The following CTNNA2 variants were observed in gnomAD, a reference collection of about 807,000 sequenced individuals.
The protein encoded by CTNNA2 is catenin alpha 2.
A neutral mutation model predicts 101.0 loss-of-function variants in CTNNA2; 42 were observed. That is an observed-to-expected ratio of 0.42 (90% CI 0.32 to 0.54). The LOEUF is 0.54. Among genes scored for constraint, CTNNA2 ranks in the 20% least tolerant of loss-of-function variants. The pLI, the probability that CTNNA2 is intolerant of heterozygous loss-of-function variation, is 0.14. For missense variants in CTNNA2, 871 were observed against 1,223.1 expected (o/e 0.71, Z 4.29); for synonymous variants, 450 against 456.4 (o/e 0.99, Z 0.18).
intron 8 of CTNNA2, among the ~76,000 whole-genome samples, chr2:80,401,176 GT>G (rs1678513662): frequency 6.6e-6 from 1 of 152,164 alleles, no homozygotes; most frequent in Non-Finnish European, 1.5e-5. Context: ...CAGTGCTCAT[GT>G]CTTTCTAGTC....
chr2:80,186,410 C>T (rs958558627), intron 7 of CTNNA2, among the ~76,000 whole-genome samples: 4 of 152,174 alleles, frequency 2.6e-5, no homozygotes, highest in Admixed American at 2.0e-4. Flanking sequence ...CGAACTGTAG[C>T]ATGCATGTCT....
chr2:80,502,898 G>A (rs1299187040), intron 9 of CTNNA2, among the ~76,000 whole-genome samples: 2 of 152,202 alleles, frequency 1.3e-5, no homozygotes, highest in Non-Finnish European at 1.5e-5. Flanking sequence ...AGGGCATGGA[G>A]GCTTATGCCT....
intron 2 of CTNNA2, among the ~76,000 whole-genome samples, chr2:79,308,336 G>A (rs1007038503): frequency 6.6e-6 from 1 of 152,114 alleles, no homozygotes; most frequent in Non-Finnish European, 1.5e-5. Context: ...ATGAGCCACA[G>A]CGCCCAGCCC....
intron 7 of CTNNA2, among the ~76,000 whole-genome samples, chr2:79,964,415 A>C (rs1558681208): frequency 6.6e-6 from 1 of 152,182 alleles, no homozygotes; most frequent in East Asian, 1.9e-4. Context: ...GTTTGGAAAA[A>C]AAAAAGCCAA....
chr2:79,266,090 A>G (rs1005352903), intron 2 of CTNNA2, among the ~76,000 whole-genome samples: 16 of 152,302 alleles, frequency 1.1e-4, no homozygotes, highest in African/African-American at 3.6e-4. Context: ...TACCAACTGT[A>G]CCTTCAGCAA....
intron 6 of CTNNA2, among the ~76,000 whole-genome samples, chr2:79,880,806 G>A (rs1313422930): frequency 6.6e-6 from 1 of 151,710 alleles, no homozygotes; most frequent in Non-Finnish European, 1.5e-5. Flanking sequence ...GGTTTTTTGT[G>A]TCTCTGTCTC....
At chr2:79,584,583 G>A (rs1047302385) in intron 1 of CTNNA2, among the ~76,000 whole-genome samples, 2 of 148,210 alleles carry the variant, frequency 1.3e-5, no homozygotes, top group Non-Finnish European at 3.0e-5. Context: ...GGAGTGCAAT[G>A]GCACGATTTC....
chr2:79,581,122 G>A (rs1394388317), intron 1 of CTNNA2, among the ~76,000 whole-genome samples: 1 of 152,154 alleles, frequency 6.6e-6, no homozygotes, highest in African/African-American at 2.4e-5. Flanking sequence ...AAGTCCCTTG[G>A]TAATCTTGTT....
chr2:79,664,705 CTTTTTTTTTTTT>C (rs67782114), intron 2 of CTNNA2, among the ~76,000 whole-genome samples: 15 of 94,986 alleles, frequency 1.6e-4, no homozygotes, highest in African/African-American at 5.7e-4. Context: ...TCACATTCTT[CTTTTTTTTTTTT>C]TTTTTTTTTT....
At chr2:80,462,220 A>C (rs1013916981) in intron 9 of CTNNA2, among the ~76,000 whole-genome samples, 8 of 152,190 alleles carry the variant, frequency 5.3e-5, no homozygotes. Context: ...TGTTGAAGAA[A>C]ATGAGTCTCA....
intron 9 of CTNNA2, among the ~76,000 whole-genome samples, chr2:80,466,570 C>G (rs565770117): frequency 3.9e-5 from 6 of 151,916 alleles, no homozygotes; most frequent in Non-Finnish European, 8.8e-5. Flanking sequence ...AAAAAGAAAC[C>G]TTTTTCAAAA....
rs115122023 is a variant in CTNNA2, at chr2:80,419,814, A to G, written c.1290+213A>G. On this transcript the variant is annotated intron_variant, in intron 9 of 18. Transcript: ENST00000402739. ...TTTTATCTGTCTCACAATTCTAAGCATGCTCTGAAACATATCTGCCATTTT... is the reference window on the plus strand; with the variant it reads ...TTTTATCTGTCTCACAATTCTAAGCGTGCTCTGAAACATATCTGCCATTTT... 4.5e-3 allele frequency among the ~76,000 whole-genome samples: 680 copies of G among 152,148 alleles called. 6 individuals are homozygous for G. The highest frequency in any genetic ancestry group is 0.016 in the African/African-American group (657 of 41,526).
intron 4 of CTNNA2, among the ~76,000 whole-genome samples, chr2:79,480,684 G>T (rs961508881): frequency 6.6e-6 from 1 of 152,034 alleles, no homozygotes; most frequent in Non-Finnish European, 1.5e-5. Context: ...TGCTCACTGT[G>T]TGATTTTCTG....
At chr2:80,367,410 G>A (rs1044736710) in intron 7 of CTNNA2, among the ~76,000 whole-genome samples, 1 of 152,086 alleles carries the variant, frequency 6.6e-6, no homozygotes, top group African/African-American at 2.4e-5. Context: ...AGGGTTTGGG[G>A]TTATTGTGGA....
chr2:80,347,843 C>T (rs4499450), intron 7 of CTNNA2, among the ~76,000 whole-genome samples: 39,154 of 144,722 alleles, frequency 0.27, 5,726 homozygotes, highest in East Asian at 0.51. Context: ...CTTTTCTTTT[C>T]TTTTTTTTTT....
At chr2:80,323,296 T>A (rs911391670) in intron 7 of CTNNA2, among the ~76,000 whole-genome samples, 2 of 152,236 alleles carry the variant, frequency 1.3e-5, no homozygotes, top group Non-Finnish European at 2.9e-5. Context: ...AATCTGCGTT[T>A]TGAGGCGGTC....
chr2:79,882,884 A>G (rs1226249905), intron 6 of CTNNA2, among the ~76,000 whole-genome samples: 1 of 152,168 alleles, frequency 6.6e-6, no homozygotes, highest in East Asian at 1.9e-4. Flanking sequence ...TCCATGAAAA[A>G]AGCAGTTTTG....
chr2:80,527,615 G>C (rs76950529), intron 9 of CTNNA2, among the ~76,000 whole-genome samples: 4,852 of 152,208 alleles, frequency 0.032, 268 homozygotes, highest in African/African-American at 0.11. Context: ...GTGAAATGTA[G>C]GTTTAGCAAG....
intron 3 of CTNNA2, among the ~76,000 whole-genome samples, chr2:79,329,794 T>C (rs769830613): frequency 6.6e-6 from 1 of 152,212 alleles, no homozygotes; most frequent in Non-Finnish European, 1.5e-5. Flanking sequence ...GTTTTACCCA[T>C]GCTGCCTTCC....
Sources: gnomAD v4.1 joint callset for allele counts (sites outside exome capture counted in the v4.1 genomes callset) on GRCh38, gnomAD v4.1.1 for gene constraint, MANE v1.5 for transcripts, NCBI Gene and HGNC (gene_info 2026-07-23, HGNC 2026-07-21) for gene names.